Variants in PPP2R2C observed in about 807,000 individuals in gnomAD.
PPP2R2C encodes the protein protein phosphatase 2, regulatory subunit B, gamma.
Under a neutral mutation model 45.3 loss-of-function variants are expected in PPP2R2C, and 10 were observed. The observed-to-expected ratio is 0.22, with a 90% CI of 0.14 to 0.37. The LOEUF is 0.37. PPP2R2C is among the 10% of genes least tolerant of loss of function. The pLI, the probability that PPP2R2C is intolerant of heterozygous loss-of-function variation, is 1.00. For synonymous variants in PPP2R2C, 257 were observed against 245.4 expected, an observed-to-expected ratio of 1.05 and a Z score of -0.44; for missense variants, 308 against 619.7, an observed-to-expected ratio of 0.50 and a Z score of 5.34.
chr4:6,503,795 T>TA (rs11433028), intron 2 of PPP2R2C, among the ~76,000 whole-genome samples: 45,872 of 146,076 alleles, frequency 0.31, 8,215 homozygotes, highest in East Asian at 0.72. Flanking sequence ...ACTTGGCAAT[T>TA]AAAAAAAAAA....
rs1732313491 is a variant in PPP2R2C at position 6,330,407 on chromosome 4, T to C, written c.961-1054A>G. Among the ~76,000 whole-genome samples the C allele has an allele frequency of 6.6e-6, 1 of 152,178 alleles. No individual in the cohort carries two copies. Among genetic ancestry groups the C allele is most frequent in the African/African-American group, 2.4e-5 (1 of 41,442 alleles). On this transcript the variant is annotated intron_variant, in intron 7 of 8. Transcript: ENST00000382599. This position sits in a 1 kb window ranked among gnomAD's most constrained non-coding sequence, Gnocchi z 7.0. Reference sequence around the variant, plus strand: ...TGGCTGGGCCAAGGTACCCAGATACTTGGTGTTTCTGTGAAGACATTTTGT... The same window carrying C: ...TGGCTGGGCCAAGGTACCCAGATACCTGGTGTTTCTGTGAAGACATTTTGT...
At chr4:6,558,057 G>A (rs1725466980) in intron 1 of PPP2R2C, among the ~76,000 whole-genome samples, 1 of 152,162 alleles carries the variant, frequency 6.6e-6, no homozygotes, top group Non-Finnish European at 1.5e-5. Flanking sequence ...AGGTGCCCGA[G>A]CCCAGCAGGA....
intron 1 of PPP2R2C, among the ~76,000 whole-genome samples, chr4:6,446,503 G>A (rs1720427634): frequency 1.3e-5 from 2 of 152,148 alleles, no homozygotes; most frequent in Non-Finnish European, 2.9e-5. Flanking sequence ...GTACAACGGA[G>A]ATGAATATCA....
chr4:6,392,230 G>T (rs1045760616), intron 1 of PPP2R2C, among the ~76,000 whole-genome samples: 27 of 152,098 alleles, frequency 1.8e-4, no homozygotes, highest in Admixed American at 1.2e-3. Flanking sequence ...TACCACAATA[G>T]AAAATTTAAT....
intron 1 of PPP2R2C, among the ~76,000 whole-genome samples, chr4:6,424,374 G>A (rs572513730): frequency 1.4e-4 from 22 of 152,302 alleles, no homozygotes; most frequent in South Asian, 6.2e-4. Context: ...TCTTATAGGC[G>A]GTGCTAAGTC....
intron 1 of PPP2R2C, among the ~76,000 whole-genome samples, chr4:6,402,551 C>T (rs1235409664): frequency 1.3e-5 from 2 of 152,154 alleles, no homozygotes; most frequent in African/African-American, 2.4e-5. Context: ...CCTCCATTTC[C>T]GTAGACATGT....
At chr4:6,501,573 T>TTTCATTCATTCATTCA (rs367725442) in intron 2 of PPP2R2C, among the ~76,000 whole-genome samples, 2 of 152,032 alleles carry the variant, frequency 1.3e-5, no homozygotes, top group South Asian at 4.1e-4. Context: ...CTTGTAACAC[T>TTTCATTCATTCATTCA]TTCATTCATT....
intron 1 of PPP2R2C, among the ~76,000 whole-genome samples, chr4:6,396,143 C>T (rs1717019545): frequency 6.6e-6 from 1 of 152,178 alleles, no homozygotes; most frequent in African/African-American, 2.4e-5. Context: ...CCACAACTCC[C>T]GAGGGTTGAA....
chr4:6,431,803 G>A (rs575935388), intron 1 of PPP2R2C, among the ~76,000 whole-genome samples: 49 of 152,254 alleles, frequency 3.2e-4, no homozygotes, highest in African/African-American at 1.0e-3. Flanking sequence ...AGGATGGGCC[G>A]TGGACTTAGT....
chr4:6,360,547 G>A (rs1016638467), intron 5 of PPP2R2C, among the ~76,000 whole-genome samples: 7 of 152,224 alleles, frequency 4.6e-5, no homozygotes, highest in Admixed American at 3.9e-4. Flanking sequence ...AGTTAGGGAT[G>A]GAGGCAGCCC....
At chr4:6,460,052 T>C (rs955928758) in intron 1 of PPP2R2C, among the ~76,000 whole-genome samples, 1 of 152,090 alleles carries the variant, frequency 6.6e-6, no homozygotes, top group Non-Finnish European at 1.5e-5. Context: ...AAACCAACCA[T>C]AACTTCTGAT....
chr4:6,558,730 C>T (rs1725490253), intron 1 of PPP2R2C, among the ~76,000 whole-genome samples: 1 of 152,128 alleles, frequency 6.6e-6, no homozygotes, highest in African/African-American at 2.4e-5. Flanking sequence ...AGCCACACCC[C>T]ACTCAACATG....
intron 2 of PPP2R2C, among the ~76,000 whole-genome samples, chr4:6,506,216 AT>A (rs1032762325): frequency 2.0e-5 from 3 of 152,038 alleles, no homozygotes; most frequent in Non-Finnish European, 4.4e-5. Context: ...GGAGCAAGGG[AT>A]TTTTTTCTGA....
chr4:6,388,800 G>A (rs1358891013), intron 1 of PPP2R2C, among the ~76,000 whole-genome samples: 7 of 152,286 alleles, frequency 4.6e-5, no homozygotes, highest in South Asian at 2.1e-4. Context: ...TGCCAGCATC[G>A]TGATTGCAGA....
Position 6,545,013 on chromosome 4 carries a change from A to G in PPP2R2C, c.-58-9636T>C, listed in dbSNP as rs563354546. The stretch of plus-strand genomic sequence containing the variant: ...CAAGAGTGTAAATGCAGTGTCAGGA[A>G]GGATGACGACTTTTTCCAGTGCCTG... On this transcript the variant is annotated intron_variant, in intron 1 of 9. Transcript: ENST00000506140. Among the ~76,000 whole-genome samples, 8 of 152,284 alleles carry G rather than the reference A, an allele frequency of 5.3e-5. No homozygotes were observed. In the South Asian group the frequency reaches 1.7e-3, roughly 32 times the overall value.
intron 1 of PPP2R2C, among the ~76,000 whole-genome samples, chr4:6,450,534 A>G (rs1720682968): frequency 6.6e-6 from 1 of 152,150 alleles, no homozygotes; most frequent in African/African-American, 2.4e-5. Context: ...AGCCCCGACC[A>G]TCAAGGCATC....
chr4:6,534,798 G>A (rs756369595), intron 2 of PPP2R2C, among the ~76,000 whole-genome samples: 13 of 152,268 alleles, frequency 8.5e-5, no homozygotes, highest in Admixed American at 3.9e-4. Flanking sequence ...GCCCCCAGTC[G>A]GGGTCTAGTT....
At chr4:6,337,110 GTGTATATATATATATATATATA>G (rs1464073204) in intron 6 of PPP2R2C, among the ~76,000 whole-genome samples, 3,824 of 41,546 alleles carry the variant, frequency 0.092, 395 homozygotes, top group African/African-American at 0.22. Context: ...GTATGTGTGT[GTGTATATATATATATATATATA>G]TATATATATA....
At chr4:6,425,090 C>A (rs1269034668) in intron 1 of PPP2R2C, among the ~76,000 whole-genome samples, 1 of 152,182 alleles carries the variant, frequency 6.6e-6, no homozygotes, top group Non-Finnish European at 1.5e-5. Flanking sequence ...ACTCCTATTC[C>A]CATTCATATA....
Sources: allele counts gnomAD v4.1 joint callset (sites outside exome capture counted in the v4.1 genomes callset), GRCh38; gene constraint gnomAD v4.1.1; non-coding constraint Gnocchi (gnomAD v3.1); transcripts MANE v1.5; gene names NCBI Gene and HGNC (gene_info 2026-07-23, HGNC 2026-07-21).